STOX2: variants seen among roughly 807,000 people sequenced by gnomAD.
STOX2 encodes storkhead-box protein 2.
In STOX2, 28 loss-of-function variants were observed where a neutral mutation model predicts 60.9. That is an observed-to-expected ratio of 0.46 (90% CI 0.34 to 0.63). The LOEUF is 0.63. STOX2 is among the 30% of genes least tolerant of loss of function. STOX2 has a pLI of 0.01. For missense variants in STOX2, 1,024 were observed against 1,187.7 expected, an observed-to-expected ratio of 0.86 and a Z score of 2.03; for synonymous variants, 472 against 463.9, an observed-to-expected ratio of 1.02 and a Z score of -0.22.
rs1741370681 is a variant in STOX2, at chr4:183,897,793, T to C, written c.364+99738T>C. Among the ~76,000 whole-genome samples, 4 of 152,250 alleles carry C rather than the reference T, an allele frequency of 2.6e-5. 1 individual carries two copies. In the South Asian group the frequency reaches 6.2e-4, roughly 24 times the overall value. ...CAGAAGTCAGCTGGCTCATTGTCAGTGTCCAGCCTTATCAGAAAAGATCTT... is the reference window on the plus strand; with the variant it reads ...CAGAAGTCAGCTGGCTCATTGTCAGCGTCCAGCCTTATCAGAAAAGATCTT... On this transcript the variant is annotated intron_variant, in intron 1 of 2. Transcript: ENST00000513034.
intron 1 of STOX2, among the ~76,000 whole-genome samples, chr4:183,973,892 G>A (rs1732331569): frequency 6.6e-6 from 1 of 152,222 alleles, no homozygotes; most frequent in African/African-American, 2.4e-5. Flanking sequence ...TACTCAGGAG[G>A]CTGAGGCAGG....
intron 1 of STOX2, among the ~76,000 whole-genome samples, chr4:183,827,277 C>T (rs1453089018): frequency 1.3e-5 from 2 of 152,124 alleles, no homozygotes; most frequent in African/African-American, 2.4e-5. Flanking sequence ...GAGGGAGCAT[C>T]GCTTGAGGCC....
chr4:183,866,268 T>C (rs924200812), intron 1 of STOX2, among the ~76,000 whole-genome samples: 6 of 152,178 alleles, frequency 3.9e-5, no homozygotes, highest in African/African-American at 9.7e-5. Flanking sequence ...GCCTGTTCTT[T>C]CCTTGCCAAA....
At chr4:183,855,229 A>C (rs745873511) in intron 1 of STOX2, among the ~76,000 whole-genome samples, 2 of 152,212 alleles carry the variant, frequency 1.3e-5, no homozygotes, top group African/African-American at 2.4e-5. Context: ...CCAAGTGTTC[A>C]CTTTGAAATT....
At chr4:183,842,583 G>A (rs1223734523) in intron 1 of STOX2, among the ~76,000 whole-genome samples, 2 of 152,198 alleles carry the variant, frequency 1.3e-5, no homozygotes, top group African/African-American at 2.4e-5. Context: ...CAGCAGGGCC[G>A]TGTGCACATG....
chr4:183,800,953 C>T (rs1336146708), intron 1 of STOX2, among the ~76,000 whole-genome samples: 1 of 152,210 alleles, frequency 6.6e-6, no homozygotes, highest in Non-Finnish European at 1.5e-5. Flanking sequence ...TCTGGCTGTG[C>T]TGTGGTACAG....
chr4:183,940,052 G>A (rs577392467), intron 1 of STOX2, among the ~76,000 whole-genome samples: 8 of 152,208 alleles, frequency 5.3e-5, no homozygotes, highest in African/African-American at 9.6e-5. Context: ...ACAGGCGTCC[G>A]CCACCACACC....
At chr4:183,815,266 G>A (rs764475142) in intron 1 of STOX2, among the ~76,000 whole-genome samples, 37 of 152,134 alleles carry the variant, frequency 2.4e-4, no homozygotes, top group Non-Finnish European at 4.1e-4. Context: ...GGGATTATAG[G>A]TGTGGACCAC....
chr4:183,820,889 C>T lies in STOX2; in HGVS notation c.364+22834C>T, dbSNP rs563737900. On this transcript the variant is annotated intron_variant, in intron 1 of 2. Coordinates refer to the STOX2 transcript ENST00000513034. The stretch of plus-strand genomic sequence containing the variant: ...CTGTGGTAGGCCGAGGTAGAAGGAT[C>T]GCTTGAGCTCAGGAGTTCAAACACA... Among the ~76,000 whole-genome samples, 65 of 151,994 alleles carry T rather than the reference C, an allele frequency of 4.3e-4. No individual in the cohort carries two copies. The Middle Eastern group carries it at 0.01, about 24-fold the overall frequency.
intron 1 of STOX2, among the ~76,000 whole-genome samples, chr4:183,884,212 A>T (rs1420298519): frequency 6.7e-6 from 1 of 148,992 alleles, no homozygotes; most frequent in African/African-American, 2.5e-5. Context: ...TTCTTTTTAT[A>T]TCCCTTGAAG....
chr4:183,952,813 C>T (rs76717659), intron 1 of STOX2, among the ~76,000 whole-genome samples: 7,774 of 152,156 alleles, frequency 0.051, 443 homozygotes, highest in African/African-American at 0.11. Context: ...ACTATACCAA[C>T]GCAGGTATAA....
chr4:183,829,580 A>G (rs1367115174), intron 1 of STOX2, among the ~76,000 whole-genome samples: 2 of 152,224 alleles, frequency 1.3e-5, no homozygotes, highest in Admixed American at 1.3e-4. Context: ...AGTCACCAGC[A>G]TAGGTAACAC....
intron 1 of STOX2, among the ~76,000 whole-genome samples, chr4:183,861,667 A>G (rs1740450212): frequency 6.6e-6 from 1 of 152,090 alleles, no homozygotes; most frequent in Admixed American, 6.5e-5. Context: ...GGTTGTGGTG[A>G]TTACCGGTAG....
chr4:183,843,697 A>AT (rs1306760597), intron 1 of STOX2, among the ~76,000 whole-genome samples: 1 of 152,036 alleles, frequency 6.6e-6, no homozygotes, highest in Non-Finnish European at 1.5e-5. Context: ...TATTGTTTTG[A>AT]TTTTTTCTGA....
rs1740437340 is a variant in STOX2, at chr4:183,861,317, C to A, written c.364+63262C>A. On this transcript the variant is annotated intron_variant, in intron 1 of 2. Coordinates refer to the STOX2 transcript ENST00000513034. Reference sequence around the variant, plus strand: ...GACTGTCCCGTTACCTTGGGGGGGTCCTCACCCTGCTGCAGTGGGGCCCCT... The same window carrying A: ...GACTGTCCCGTTACCTTGGGGGGGTACTCACCCTGCTGCAGTGGGGCCCCT... 2.0e-5 allele frequency among the ~76,000 whole-genome samples: 3 copies of A among 149,576 alleles called. No individual in the cohort carries two copies. The South Asian group carries it at 6.4e-4, about 32-fold the overall frequency.
intron 1 of STOX2, among the ~76,000 whole-genome samples, chr4:183,882,715 C>G (rs180866344): frequency 1.3e-5 from 2 of 152,268 alleles, no homozygotes; most frequent in Non-Finnish European, 2.9e-5. Context: ...AATCTTATAG[C>G]TGGAAGAGAC....
In STOX2 at chr4:184,009,312, C is replaced by T. The variant is rs185174332; in HGVS notation, c.474C>T (p.Tyr158=). ...TCATAAGAACTAACAGTAAATGGTACCATTTGGACGAGAGGATACCTGACC... is the reference window on the plus strand; with the variant it reads ...TCATAAGAACTAACAGTAAATGGTATCATTTGGACGAGAGGATACCTGACC... ...PSLIRTNSKW[Y]HLDERIPDRS... Residue 158 remains tyrosine (Y), a synonymous_variant, in exon 3 of 4, where the codon TAC becomes TAT. Coordinates refer to ENST00000308497, the MANE Select transcript of STOX2 (RefSeq NM_020225.3). This position sits in a 1 kb window ranked among gnomAD's most constrained non-coding sequence, Gnocchi z 4.0. 272 of 1,613,902 alleles carry T rather than the reference C, an allele frequency of 1.7e-4. No homozygotes were observed. In the Middle Eastern group the frequency reaches 9.4e-3, roughly 56 times the overall value.
In STOX2 at chr4:184,017,211, A is replaced by C. The variant is rs1734412252; in HGVS notation, c.2708A>C (p.Glu903Ala). 6.2e-7 allele frequency: 1 copy of C among 1,611,252 alleles called. No homozygotes were observed. Among genetic ancestry groups the C allele is most frequent in the Admixed American group, 1.7e-5 (1 of 59,690 alleles). ...GPAFNFRASAEPPTNEAEKLQ... is the reference protein window; with the variant it reads ...GPAFNFRASAAPPTNEAEKLQ... ...GCCTTCAACTTCCGAGCGAGCGCGG[A>C]GCCCCCGACAAATGAAGCTGAGAAG... Residue 903 changes from glutamate to alanine, a missense_variant, in exon 4 of 4, where the codon GAG (glutamate) becomes GCG (alanine). Glu to Ala is a moderately radical substitution (Grantham distance 107, BLOSUM62 -1). Coordinates refer to ENST00000308497, the MANE Select transcript of STOX2 (RefSeq NM_020225.3).
chr4:183,906,770 C>T lies in STOX2; in HGVS notation c.-21C>T, dbSNP rs1044871633. ...GGCGCTGAGGCCCCGAGGATCGGGG[C>T]GGCAGGTCGCCCTCCCCACCATGAA... On this transcript the variant is annotated 5_prime_UTR_variant, in exon 1 of 4. Coordinates refer to ENST00000308497, the MANE Select transcript of STOX2 (RefSeq NM_020225.3). The T allele has an allele frequency of 2.0e-6, 3 of 1,502,962 alleles. No individual in the cohort carries two copies. Among genetic ancestry groups the T allele is most frequent in the Admixed American group, 2.2e-5 (1 of 45,886 alleles). 93.1% of individuals were successfully genotyped at this position (1,502,962 alleles called of 1,614,324 possible). A position where few individuals can be genotyped will look rare whatever the true frequency, so the allele number is the denominator to read the frequency against.
Sources: gnomAD v4.1 joint callset for allele counts (sites outside exome capture counted in the v4.1 genomes callset) on GRCh38, gnomAD v4.1.1 for gene constraint, Gnocchi (gnomAD v3.1) non-coding constraint, MANE v1.5 for transcripts, NCBI Gene and HGNC (gene_info 2026-07-23, HGNC 2026-07-21) for gene names.